The following NLGN3 variants were observed in gnomAD, a reference collection of about 807,000 sequenced individuals.
NLGN3 encodes neuroligin-3.
Under a neutral mutation model 42.9 loss-of-function variants are expected in NLGN3, and 11 were observed. The observed-to-expected ratio is 0.26, with a 90% CI of 0.16 to 0.42. The LOEUF is 0.42. Among genes scored for constraint, NLGN3 ranks in the 10% least tolerant of loss-of-function variants. The pLI is 1.00. For missense variants in NLGN3, 374 were observed against 733.8 expected, an observed-to-expected ratio of 0.51 and a Z score of 5.67; for synonymous variants, 279 against 312.7, an observed-to-expected ratio of 0.89 and a Z score of 1.14.
Position 71,148,164 on chromosome X carries a change from G to A in NLGN3, c.415G>A (p.Glu139Lys). The A allele has an allele frequency of 8.3e-7, 1 of 1,211,327 alleles. No individual in the cohort carries two copies. Among genetic ancestry groups the A allele is most frequent in the Non-Finnish European group, 1.1e-6 (1 of 895,253 alleles). The change falls in exon 2 of 8, where the codon GAA becomes AAA. Residue 139 changes from glutamate to lysine, a missense_variant. Physicochemically the swap from Glu to Lys is moderately conservative, Grantham distance 56. This residue lies in a region of NLGN3 where 109 missense variants were observed against 173.3 expected (regional missense o/e 0.63). Transcript: ENST00000358741. ...IVATYIQEPN[E>K]DCLYLNVYVP... ...CGCTACTTACATCCAGGAGCCCAAC[G>A]AAGACTGTCTCTACCTGAACGTCTA...
chrX:71,153,372 C>G (rs1400413885), intron 3 of NLGN3, 105 bp from the exon 4 acceptor site: 1 of 844,444 alleles, frequency 1.2e-6, no homozygotes, highest in Non-Finnish European at 1.7e-6. Flanking sequence ...GGCCCAGGCC[C>G]GGAGCTGGCT....
intron 7 of NLGN3, among the ~76,000 whole-genome samples, chrX:71,168,328 C>T (rs996998954): frequency 2.4e-4 from 27 of 110,547 alleles, no homozygotes; most frequent in Non-Finnish European, 3.6e-4. Context: ...GGTGACAGAG[C>T]GAAACCTTAT....
At chrX:71,149,920 T>A (rs1425726853) in intron 3 of NLGN3, among the ~76,000 whole-genome samples, 1 of 111,504 alleles carries the variant, frequency 9.0e-6, no homozygotes, top group Non-Finnish European at 1.9e-5. Flanking sequence ...GCTTGATCCC[T>A]ACAACCCTCT....
At chrX:71,168,839 A>AAGAAAGAAAG (rs2092458253) in intron 7 of NLGN3, among the ~76,000 whole-genome samples, 3 of 88,006 alleles carry the variant, frequency 3.4e-5, no homozygotes, top group Admixed American at 1.3e-4. Context: ...GAAAGAAAGA[A>AAGAAAGAAAG]AGAAAGAAAG....
At chrX:71,166,226 G>A (rs182476646) in intron 6 of NLGN3, among the ~76,000 whole-genome samples, 440 of 111,108 alleles carry the variant, frequency 4.0e-3, no homozygotes, top group Middle Eastern at 9.2e-3. Context: ...GGAGGCCAAG[G>A]CGGGTGGATC....
At chrX:71,155,483 C>G in intron 5 of NLGN3, 120 bp downstream of exon 5, 1 of 924,953 alleles carries the variant, frequency 1.1e-6, no homozygotes, top group Non-Finnish European at 1.6e-6. Context: ...TAACCACAGT[C>G]AAAATGGTGT....
At chrX:71,146,387 GTGCGGGAGCA>G (rs1241430656) in intron 1 of NLGN3, among the ~76,000 whole-genome samples, 6 of 109,105 alleles carry the variant, frequency 5.5e-5, no homozygotes, top group Admixed American at 9.8e-5. Flanking sequence ...GTGCGTGTGT[GTGCGGGAGCA>G]TGCGGGAGTA....
At chrX:71,156,048 C>T (rs1393054860) in intron 5 of NLGN3, among the ~76,000 whole-genome samples, 1 of 109,654 alleles carries the variant, frequency 9.1e-6, no homozygotes, top group Non-Finnish European at 1.9e-5. Flanking sequence ...TATACTTCTC[C>T]CCATGTCTCT....
chrX:71,168,915 C>T (rs2092460974), intron 7 of NLGN3, among the ~76,000 whole-genome samples: 2 of 108,173 alleles, frequency 1.8e-5, no homozygotes, highest in Non-Finnish European at 3.8e-5. Context: ...AAAGAGACTT[C>T]GGGTTCAGCA....
chrX:71,171,592 T>C (rs2092471438), downstream of NLGN3: 1 of 602,251 alleles, frequency 1.7e-6, no homozygotes, highest in South Asian at 8.6e-5. Flanking sequence ...CACCTTGGAC[T>C]GGGGGCTGGG....
At chrX:71,166,975 C>T (rs2233442) in intron 6 of NLGN3, 36 bp from the exon 7 acceptor site, 41 of 1,117,884 alleles carry the variant, frequency 3.7e-5, no homozygotes, top group Non-Finnish European at 4.1e-5. Flanking sequence ...ATGTGTGACA[C>T]GACAGATCTG....
chrX:71,146,153 T>TCTCTCA lies in NLGN3; in HGVS notation c.-201+1190_-201+1191insTCTCAC, dbSNP rs1185227027. Among the ~76,000 whole-genome samples the TCTCTCA allele has an allele frequency of 3.3e-3, 87 of 26,348 alleles. 1 individual carries two copies. Among genetic ancestry groups the TCTCTCA allele is most frequent in the African/African-American group, 0.012 (78 of 6,446 alleles). The allele number at this position is 26,348 out of a possible 115,157, so 22.9% of individuals were successfully genotyped here. A position where few individuals can be genotyped will look rare whatever the true frequency, so the allele number is the denominator to read the frequency against. On this transcript the variant is annotated intron_variant, in intron 1 of 7. Transcript: ENST00000358741. ...CTCTCTCTCTCTCTCTCTCTCTCTC[T>TCTCTCA]CACACACACACACACACAGACACAC...
Position 71,169,903 on chromosome X carries a change from C to A in NLGN3, c.2353C>A (p.Arg785Ser). The A allele has an allele frequency of 8.3e-7, 1 of 1,199,763 alleles. No homozygotes were observed. Among genetic ancestry groups the A allele is most frequent in the Non-Finnish European group, 1.1e-6 (1 of 889,584 alleles). Residue 785 changes from arginine to serine, a missense_variant, in exon 8 of 8, where the codon CGC becomes AGC. Around this residue, in one of 6 missense-constraint regions of NLGN3, gnomAD observed 92 missense variants for 108.0 expected, o/e 0.85. Transcript: ENST00000358741. The part of the protein sequence containing the change: ...CEAGPPHDTL[R>S]LTALPDYTLT... ...GGCCGGTCCCCCCCATGACACGCTG[C>A]GCCTCACTGCATTGCCCGACTACAC...
chrX:71,151,190 T>G (rs2092390181), intron 3 of NLGN3, among the ~76,000 whole-genome samples: 1 of 110,598 alleles, frequency 9.0e-6, no homozygotes, highest in Non-Finnish European at 1.9e-5. Flanking sequence ...ACACCTGTAG[T>G]CCCAGCTACT....
intron 4 of NLGN3, 125 bp downstream of exon 4, chrX:71,153,661 C>T (rs1389224193): frequency 4.6e-6 from 3 of 649,268 alleles, no homozygotes; most frequent in South Asian, 5.0e-5. Flanking sequence ...TGTACAAGGC[C>T]GTTGGGCTGT....
At position 71,170,852 on chromosome X, in the gene NLGN3, A is replaced by G. The variant is rs1556353110; in HGVS notation, c.*755A>G. 1.6e-5 allele frequency: 12 copies of G among 754,225 alleles called. No individual in the cohort carries two copies. In the South Asian group the frequency reaches 7.4e-4, roughly 47 times the overall value. 62.2% of individuals were successfully genotyped at this position (754,225 alleles called of 1,213,427 possible). ...GGAGGGCTGCAGAGCCTGCAGGGTG[A>G]CCTGCTTCCCCAAAGGCCAACAGCA... is the stretch of plus-strand genomic sequence containing the variant. On this transcript the variant is annotated 3_prime_UTR_variant, in exon 8 of 8. Coordinates refer to ENST00000358741, the MANE Select transcript of NLGN3 (RefSeq NM_181303.2).
At chrX:71,158,726 A>AG (rs2092418576) in intron 5 of NLGN3, among the ~76,000 whole-genome samples, 1 of 111,502 alleles carries the variant, frequency 9.0e-6, no homozygotes, top group Non-Finnish European at 1.9e-5. Context: ...AGGAGACAGA[A>AG]GGAGAGACTT....
At chrX:71,163,594 T>C (rs7886134) in intron 5 of NLGN3, among the ~76,000 whole-genome samples, 57,257 of 110,990 alleles carry the variant, frequency 0.52, 12,064 homozygotes, top group African/African-American at 0.8. Flanking sequence ...AGAGCTGCAA[T>C]GTGCCCAGCA....
intron 6 of NLGN3, among the ~76,000 whole-genome samples, chrX:71,166,227 C>T (rs1274568542): frequency 9.0e-6 from 1 of 110,914 alleles, no homozygotes; most frequent in Non-Finnish European, 1.9e-5. Context: ...GAGGCCAAGG[C>T]GGGTGGATCA....
Sources: gnomAD v4.1 joint callset for allele counts (sites outside exome capture counted in the v4.1 genomes callset) on GRCh38, gnomAD v4.1.1 for gene constraint, gnomAD v4.1.1 regional missense constraint, MANE v1.5 for transcripts, NCBI Gene and HGNC (gene_info 2026-07-23, HGNC 2026-07-21) for gene names.